CALCOCO1: variants seen among roughly 807,000 people sequenced by gnomAD.
CALCOCO1 encodes calcium-binding and coiled-coil domain-containing protein 1.
In CALCOCO1, 44 loss-of-function variants were observed where a neutral mutation model predicts 86.3. The ratio of observed to expected loss-of-function variants is 0.51; its 90% confidence interval spans 0.40 to 0.66. CALCOCO1 has a LOEUF of 0.66. CALCOCO1 is among the 30% of genes least tolerant of loss of function. The pLI is 0.00. For synonymous variants in CALCOCO1, 297 were observed against 327.6 expected (o/e 0.91, Z 1.01); for missense variants, 708 against 851.1 (o/e 0.83, Z 2.09).
chr12:53,713,982 A>C, intron 12 of CALCOCO1, 82 bp from the exon 13 acceptor site: 3 of 1,336,670 alleles, frequency 2.2e-6, no homozygotes, highest in Non-Finnish European at 3.1e-6. Context: ...GATGAGGGGT[A>C]TCATTAGACT....
intron 1 of CALCOCO1, among the ~76,000 whole-genome samples, chr12:53,727,078 GGA>G (rs999144195): frequency 1.3e-5 from 2 of 152,128 alleles, no homozygotes; most frequent in African/African-American, 4.8e-5. Context: ...TTTGCGTAGG[GGA>G]GAGAGGGAAG....
rs1469064525 is a variant in CALCOCO1 at position 53,713,001 on chromosome 12, G to A, written c.1898+99C>T. The A allele has an allele frequency of 1.6e-5, 21 of 1,310,004 alleles. No individual in the cohort carries two copies. In the East Asian group the frequency reaches 4.9e-4, roughly 31 times the overall value. 81.1% of individuals were successfully genotyped at this position (1,310,004 alleles called of 1,614,324 possible). A position where few individuals can be genotyped will look rare whatever the true frequency, so the allele number is the denominator to read the frequency against. On this transcript the variant is annotated intron_variant, in intron 14 of 14. Transcript: ENST00000550804. ...TCCTTTTCTTGGCTGAGGCCAAGAA[G>A]GGCAGGGGTTGGGAGCAGGGCCTGG... is the stretch of plus-strand genomic sequence containing the variant.
intron 14 of CALCOCO1, 192 bp from the exon 15 acceptor site, chr12:53,712,313 C>T: frequency 1.7e-6 from 1 of 574,494 alleles, no homozygotes; most frequent in Non-Finnish European, 3.1e-6. Flanking sequence ...TCCCCATGTC[C>T]TCTCTTCTTT....
intron 8 of CALCOCO1, 73 bp from the exon 9 acceptor site, chr12:53,716,120 C>T: frequency 6.3e-7 from 1 of 1,592,872 alleles, no homozygotes; most frequent in South Asian, 1.1e-5. Flanking sequence ...TAAACGCTCC[C>T]TCCACTCCAC....
intron 7 of CALCOCO1, 37 bp downstream of exon 7, chr12:53,719,702 G>A (rs760598546): frequency 1.9e-5 from 28 of 1,447,798 alleles, no homozygotes; most frequent in African/African-American, 2.8e-5. Context: ...ACACTGGCTG[G>A]ACAATGGAGA....
In CALCOCO1 at chr12:53,711,213, C is replaced by G. The variant is rs115444823; in HGVS notation, c.*731G>C. ...GGGGGGACCTGGAGAGGGAGGGGGG[C>G]CTTGGAAATGGGGATACCTGGGACC... On this transcript the variant is annotated 3_prime_UTR_variant, in exon 15 of 15. Coordinates refer to ENST00000550804, the MANE Select transcript of CALCOCO1 (RefSeq NM_020898.3). 0.027 allele frequency: 10,691 copies of G among 398,698 alleles called. 881 individuals are homozygous for G. Among genetic ancestry groups the G allele is most frequent in the African/African-American group, 0.18 (8,639 of 48,570 alleles). The allele number at this position is 398,698 out of a possible 1,614,324, so 24.7% of individuals were successfully genotyped here.
Position 53,724,858 on chromosome 12 carries a change from C to T in CALCOCO1, c.157-111G>A, listed in dbSNP as rs1226889974. On this transcript the variant is annotated intron_variant, in intron 2 of 14. Coordinates refer to ENST00000550804, the MANE Select transcript of CALCOCO1 (RefSeq NM_020898.3). ...GGGCAGGATGGAGCTACAGTGGCAA[C>T]AATGACAAGAGAAAGGGAAAGTGGA... 8 of 901,840 alleles carry T rather than the reference C, an allele frequency of 8.9e-6. No homozygotes were observed. The African/African-American group carries it at 1.3e-4, about 15-fold the overall frequency. 55.9% of individuals were successfully genotyped at this position (901,840 alleles called of 1,614,324 possible). A position where few individuals can be genotyped will look rare whatever the true frequency, so the allele number is the denominator to read the frequency against.
chr12:53,727,151 A>G (rs1224712363), intron 1 of CALCOCO1, among the ~76,000 whole-genome samples: 1 of 152,124 alleles, frequency 6.6e-6, no homozygotes, highest in East Asian at 1.9e-4. Flanking sequence ...CCTTGAAGGG[A>G]TCAGCTTTAT....
At position 53,727,421 on chromosome 12, in the gene CALCOCO1, T is replaced by C. The variant is rs1946070406; in HGVS notation, c.-42A>G. 1 of 152,210 alleles carries C rather than the reference T, an allele frequency of 6.6e-6. No individual in the cohort carries two copies. The highest frequency in any genetic ancestry group is 6.5e-5 in the Admixed American group (1 of 15,284). The allele number at this position is 152,210 out of a possible 1,614,324, so 9.4% of individuals were successfully genotyped here. On this transcript the variant is annotated 5_prime_UTR_variant, in exon 1 of 15. Coordinates refer to ENST00000550804, the MANE Select transcript of CALCOCO1 (RefSeq NM_020898.3). ...TTTCTTACCCAACAGACGGATCAGC[T>C]GTTCCCCTCACCTTTCACCAACAAC...
In CALCOCO1 at chr12:53,715,477, C is replaced by T. The variant is rs910803231; in HGVS notation, c.1261-152G>A. The T allele has an allele frequency of 1.4e-5, 15 of 1,072,694 alleles. No individual in the cohort carries two copies. The African/African-American group carries it at 2.2e-4, about 16-fold the overall frequency. The allele number at this position is 1,072,694 out of a possible 1,614,324, so 66.4% of individuals were successfully genotyped here. On this transcript the variant is annotated intron_variant, in intron 9 of 14. Transcript: ENST00000550804. The stretch of plus-strand genomic sequence containing the variant: ...CCTTTTTGCCTTCATTTCCTATACC[C>T]TCTGAATGAAGGACAGGACATGACG...
Position 53,721,574 on chromosome 12 carries a change from G to A in CALCOCO1, c.651C>T (p.Asp217=). Residue 217 remains aspartate, a synonymous_variant, in exon 6 of 15, where the codon GAC becomes GAT. Coordinates refer to ENST00000550804, the MANE Select transcript of CALCOCO1 (RefSeq NM_020898.3). The stretch of plus-strand genomic sequence containing the variant: ...GGTCTCCCTGTTGCCGGCTCAGGAT[G>A]TCCCTCTCTTCTGTGATCTCCCCAT... ...RSHGEITEER[D]ILSRQQGDHV... 2 of 1,613,786 alleles carry A rather than the reference G, an allele frequency of 1.2e-6. No individual in the cohort carries two copies. The highest frequency in any genetic ancestry group is 1.7e-6 in the Non-Finnish European group (2 of 1,179,908).
chr12:53,714,672 G>A lies in CALCOCO1; in HGVS notation c.1408C>T (p.Arg470Trp), dbSNP rs759818625. The A allele has an allele frequency of 1.9e-6, 3 of 1,613,514 alleles. No homozygotes were observed. The highest frequency in any genetic ancestry group is 1.7e-4 in the Middle Eastern group (1 of 6,060). Reference sequence around the variant, plus strand: ...GCTGACCGCAGCTCTGTCAGCTCCCGCTTACTTTCTGACAACTGTACCTGA... The same window carrying A: ...GCTGACCGCAGCTCTGTCAGCTCCCACTTACTTTCTGACAACTGTACCTGA... Reference protein sequence around the residue: ...SSLVQLSESKRELTELRSALR... With the variant: ...SSLVQLSESKWELTELRSALR... Residue 470 changes from arginine (R) to tryptophan (W), a missense_variant, in exon 11 of 15, where the codon CGG (arginine) becomes TGG (tryptophan). By Grantham distance (101) the Arg-to-Trp change is moderately radical. Coordinates refer to ENST00000550804, the MANE Select transcript of CALCOCO1 (RefSeq NM_020898.3).
chr12:53,724,219 G>A (rs767082900), intron 3 of CALCOCO1: 10 of 437,046 alleles, frequency 2.3e-5, no homozygotes, highest in South Asian at 6.6e-5. Flanking sequence ...TTAAATCCTC[G>A]TAATGTCCCT....
chr12:53,711,803 G>C lies in CALCOCO1; in HGVS notation c.*141C>G. On this transcript the variant is annotated 3_prime_UTR_variant, in exon 15 of 15. Coordinates refer to ENST00000550804, the MANE Select transcript of CALCOCO1 (RefSeq NM_020898.3). Reference sequence around the variant, plus strand: ...AGTGAGAAATCTTGGGATGAAAACAGGGCACACAGAAGCAGTTCTTAGGGA... The same window carrying C: ...AGTGAGAAATCTTGGGATGAAAACACGGCACACAGAAGCAGTTCTTAGGGA... 1.4e-6 allele frequency: 1 copy of C among 693,530 alleles called. No individual in the cohort carries two copies. Among genetic ancestry groups the C allele is most frequent in the East Asian group, 3.4e-5 (1 of 29,248 alleles). The allele number at this position is 693,530 out of a possible 1,614,324, so 43.0% of individuals were successfully genotyped here. A position where few individuals can be genotyped will look rare whatever the true frequency, so the allele number is the denominator to read the frequency against.
chr12:53,726,755 C>G (rs1038211184), intron 1 of CALCOCO1, among the ~76,000 whole-genome samples: 3 of 152,114 alleles, frequency 2.0e-5, no homozygotes, highest in Non-Finnish European at 4.4e-5. Flanking sequence ...TGAAACTAAT[C>G]CATGTTTTCT....
At position 53,723,601 on chromosome 12, in the gene CALCOCO1, C is replaced by G. The variant is rs1450837909; in HGVS notation, c.442G>C (p.Val148Leu). Residue 148 changes from valine to leucine, a missense_variant, in exon 4 of 15, where the codon GTG becomes CTG. By Grantham distance (32) the Val-to-Leu change is conservative. Coordinates refer to ENST00000550804, the MANE Select transcript of CALCOCO1 (RefSeq NM_020898.3). ...DILLVVPKAT[V>L]LQNQLDESQQ... ...TGTTGCTCTTTTCTCACCTGTAACA[C>G]AGTTGCCTTGGGGACAACCAGCAGG... 1.9e-6 allele frequency: 3 copies of G among 1,614,218 alleles called. No homozygotes were observed. The East Asian group carries it at 6.7e-5, about 36-fold the overall frequency.
At position 53,713,824 on chromosome 12, in the gene CALCOCO1, C is replaced by A; in HGVS notation, c.1668G>T (p.Glu556Asp). The A allele has an allele frequency of 6.4e-7, 1 of 1,565,504 alleles. No individual in the cohort carries two copies. The change falls in exon 13 of 15, where the codon GAG (glutamate) becomes GAT (aspartate). Residue 556 changes from glutamate to aspartate, a missense_variant. Glu to Asp is a conservative substitution (Grantham distance 45). Transcript: ENST00000550804. ...DMRLPPYGLC[E>D]RGDPGSSPAG... ...CAGGAGAGGAGCCTGGGTCTCCACGCTCACAAAGGCCATAGGGTGGGAGCC... is the reference window on the plus strand; with the variant it reads ...CAGGAGAGGAGCCTGGGTCTCCACGATCACAAAGGCCATAGGGTGGGAGCC...
At chr12:53,714,852 T>C (rs17102046) in intron 10 of CALCOCO1, among the ~76,000 whole-genome samples, 159 bp from the exon 11 acceptor site, 5,091 of 152,200 alleles carry the variant, frequency 0.033, 212 homozygotes, top group East Asian at 0.14. Flanking sequence ...ACTTCCTCCA[T>C]GAGTACTTTG....
intron 4 of CALCOCO1, 111 bp downstream of exon 4, chr12:53,723,482 G>A (rs930671507): frequency 2.7e-6 from 3 of 1,097,364 alleles, no homozygotes; most frequent in African/African-American, 1.5e-5. Context: ...AACTTTCAAC[G>A]AGGTCTTTAG....
Sources: allele counts gnomAD v4.1 joint callset (sites outside exome capture counted in the v4.1 genomes callset), GRCh38; gene constraint gnomAD v4.1.1; transcripts MANE v1.5; gene names NCBI Gene and HGNC (gene_info 2026-07-23, HGNC 2026-07-21).